Variants in TSBP1 observed in about 807,000 individuals in gnomAD.
TSBP1 encodes testis expressed basic protein 1.
TSBP1 carries 56 observed loss-of-function variants against 68.8 expected under a neutral mutation model. The observed-to-expected ratio is 0.81, with a 90% CI of 0.66 to 1.02. The LOEUF (loss-of-function observed/expected upper bound fraction) is 1.02. Ranked by LOEUF, TSBP1 falls within the 50% of genes least tolerant of loss-of-function variation. TSBP1 has a pLI of 0.00. For synonymous variants in TSBP1, 171 were observed against 208.7 expected, an observed-to-expected ratio of 0.82 and a Z score of 1.56; for missense variants, 502 against 641.2, an observed-to-expected ratio of 0.78 and a Z score of 2.34.
At chr6:32,322,967 T>C in intron 18 of TSBP1, 150 bp downstream of exon 19, 1 of 585,514 alleles carries the variant, frequency 1.7e-6, no homozygotes, top group South Asian at 2.7e-5. Context: ...GCTAGCTTAG[T>C]CCCACTTTTA....
intron 1 of TSBP1, among the ~76,000 whole-genome samples, chr6:32,370,443 A>ATATATATG (rs1774275951): frequency 7.2e-6 from 1 of 138,464 alleles, no homozygotes. Context: ...ATATATATAT[A>ATATATATG]TGGCTATAAA....
At chr6:32,323,524 T>G in intron 17 of TSBP1, 67 bp downstream of exon 18, 1 of 1,455,202 alleles carries the variant, frequency 6.9e-7, no homozygotes. Context: ...TAGAGACAGG[T>G]CTCTAAGCCT....
chr6:32,317,890 A>C (rs999613364), intron 18 of TSBP1, among the ~76,000 whole-genome samples: 2 of 152,176 alleles, frequency 1.3e-5, no homozygotes, highest in Non-Finnish European at 2.9e-5. Flanking sequence ...TGTGGGAAAC[A>C]GTGTGGCAAT....
chr6:32,351,380 T>C (rs1338977381), intron 8 of TSBP1, among the ~76,000 whole-genome samples: 4 of 152,152 alleles, frequency 2.6e-5, no homozygotes, highest in Non-Finnish European at 5.9e-5. Flanking sequence ...AAGACACTGC[T>C]GAGAGAAGGG....
chr6:32,368,121 A>G (rs1372102276), intron 3 of TSBP1, among the ~76,000 whole-genome samples, 164 bp from the exon 4 acceptor site: 2 of 152,250 alleles, frequency 1.3e-5, no homozygotes, highest in African/African-American at 4.8e-5. Flanking sequence ...ACAAGAGCTG[A>G]CGATGATAAG....
chr6:32,295,331 A>ATC (rs1274126163), intron 22 of TSBP1, among the ~76,000 whole-genome samples: 5,403 of 109,340 alleles, frequency 0.049, 307 homozygotes, highest in African/African-American at 0.16. Context: ...GTGATACTCC[A>ATC]TCTCACACAC....
rs986310105 is a variant in TSBP1, at chr6:32,333,433, G to A, written c.473-1379C>T. ...GGCTTCCCTGAGTGTAGTGACCCAT[G>A]TATTTGGTCATATTCCTTACGGGAT... On this transcript the variant is annotated intron_variant, in intron 14 of 22. Coordinates refer to ENST00000612031, the Ensembl canonical transcript of TSBP1. This position sits in a 1 kb window ranked among gnomAD's most constrained non-coding sequence, Gnocchi z 4.2. Among the ~76,000 whole-genome samples, 1 of 152,226 alleles carries A rather than the reference G, an allele frequency of 6.6e-6. No individual in the cohort carries two copies. Among genetic ancestry groups the A allele is most frequent in the Admixed American group, 6.5e-5 (1 of 15,286 alleles).
At chr6:32,323,359 C>A in intron 17 of TSBP1, 1 of 694,446 alleles carries the variant, frequency 1.4e-6, no homozygotes, top group Middle Eastern at 2.8e-4. Flanking sequence ...GTAATTAAAG[C>A]ACTTAAATAG....
chr6:32,309,649 A>G (rs1258743238), intron 19 of TSBP1, among the ~76,000 whole-genome samples: 1 of 152,066 alleles, frequency 6.6e-6, no homozygotes, highest in Non-Finnish European at 1.5e-5. Context: ...AGGTACATGA[A>G]ATATTTTGGT....
chr6:32,301,644 G>C (rs1204082330), intron 20 of TSBP1, among the ~76,000 whole-genome samples: 6 of 151,222 alleles, frequency 4.0e-5, no homozygotes, highest in Admixed American at 3.3e-4. Context: ...TGCTTAGGAA[G>C]TCAAGGCTGC....
At position 32,357,020 on chromosome 6, in the gene TSBP1, C is replaced by A. The variant is rs1562177474; in HGVS notation, c.218-1351G>T. 6.6e-6 allele frequency among the ~76,000 whole-genome samples: 1 copy of A among 152,016 alleles called. No individual in the cohort carries two copies. Among genetic ancestry groups the A allele is most frequent in the Non-Finnish European group, 1.5e-5 (1 of 67,996 alleles). ...CTTACCTAATATTAATATCTTCCTG[C>A]CAGAAGATTTCTATAGTCTCAAGTT... On this transcript the variant is annotated intron_variant, in intron 6 of 22. Transcript: ENST00000612031. This position sits in a 1 kb window ranked among gnomAD's most constrained non-coding sequence, Gnocchi z 4.7.
intron 18 of TSBP1, among the ~76,000 whole-genome samples, chr6:32,318,350 A>G (rs1287621553): frequency 6.6e-6 from 1 of 152,140 alleles, no homozygotes; most frequent in Non-Finnish European, 1.5e-5. Flanking sequence ...AAGGGGTTCT[A>G]GGCTTAATAC....
intron 19 of TSBP1, among the ~76,000 whole-genome samples, chr6:32,308,536 T>G: frequency 7.0e-6 from 1 of 143,324 alleles, no homozygotes; most frequent in East Asian, 2.0e-4. Flanking sequence ...AGGCGGAGCT[T>G]GCAGTGAGCC....
intron 1 of TSBP1, 92 bp from the exon 2 acceptor site, chr6:32,370,075 G>GA: frequency 1.4e-6 from 1 of 719,558 alleles, no homozygotes; most frequent in Non-Finnish European, 2.3e-6. Flanking sequence ...CCACCAGATA[G>GA]ACTTTTTTTC....
rs116560252 is a variant in TSBP1 at position 32,350,053 on chromosome 6, T to A, written c.260-224A>T. On this transcript the variant is annotated intron_variant, in intron 8 of 22. Coordinates refer to ENST00000612031, the Ensembl canonical transcript of TSBP1. ...CTAGTTTCTCAATCTGAGGACATTT[T>A]TCTGTCCCTATAAGTCTTCTTTCAT... is the stretch of plus-strand genomic sequence containing the variant. 24 of 669,984 alleles carry A rather than the reference T, an allele frequency of 3.6e-5. No homozygotes were observed. The East Asian group carries it at 6.9e-4, about 19-fold the overall frequency. The allele number at this position is 669,984 out of a possible 1,614,324, so 41.5% of individuals were successfully genotyped here.
chr6:32,330,549 TC>T, intron 16 of TSBP1, 39 bp downstream of exon 17: 1 of 1,594,882 alleles, frequency 6.3e-7, no homozygotes, highest in Non-Finnish European at 8.6e-7. Flanking sequence ...CTGTAGAAGA[TC>T]AAGGAACCTG....
At chr6:32,305,453 A>G (rs1449844806) in intron 19 of TSBP1, among the ~76,000 whole-genome samples, 1 of 152,222 alleles carries the variant, frequency 6.6e-6, no homozygotes, top group African/African-American at 2.4e-5. Flanking sequence ...CTTAGAAGGT[A>G]TATTGGCTCT....
Position 32,361,347 on chromosome 6 carries a change from C to T in TSBP1, c.217+4820G>A, listed in dbSNP as rs1266994129. 6.6e-6 allele frequency among the ~76,000 whole-genome samples: 1 copy of T among 151,568 alleles called. No homozygotes were observed. Among genetic ancestry groups the T allele is most frequent in the East Asian group, 1.9e-4 (1 of 5,136 alleles). ...TAGTGCCACAATAAACACACGTGTGCATGTGTCTTTATAGTAGCATGATTT... is the reference window on the plus strand; with the variant it reads ...TAGTGCCACAATAAACACACGTGTGTATGTGTCTTTATAGTAGCATGATTT... On this transcript the variant is annotated intron_variant, in intron 6 of 22. Coordinates refer to ENST00000612031, the Ensembl canonical transcript of TSBP1. The surrounding 1 kb of genome is among the most constrained non-coding windows in gnomAD (Gnocchi z 4.3).
chr6:32,361,000 G>T (rs1049902116), intron 6 of TSBP1, among the ~76,000 whole-genome samples: 1 of 151,684 alleles, frequency 6.6e-6, no homozygotes, highest in Non-Finnish European at 1.5e-5. Flanking sequence ...ATTTACATTA[G>T]GTATTTCTCC....
Sources: allele counts gnomAD v4.1 joint callset (sites outside exome capture counted in the v4.1 genomes callset), GRCh38; gene constraint gnomAD v4.1.1; non-coding constraint Gnocchi (gnomAD v3.1); transcripts MANE v1.5; gene names NCBI Gene and HGNC (gene_info 2026-07-23, HGNC 2026-07-21).